The following COP1 variants were observed in gnomAD, a reference collection of about 807,000 sequenced individuals.
The protein encoded by COP1 is COP1 E3 ubiquitin ligase.
In COP1, 24 loss-of-function variants were observed where a neutral mutation model predicts 101.3. The observed-to-expected ratio is 0.24, with a 90% CI of 0.17 to 0.33. The LOEUF is 0.33. Ranked by LOEUF, COP1 falls within the 10% of genes least tolerant of loss-of-function variation. COP1 has a pLI of 1.00. For missense variants in COP1, 663 were observed against 906.2 expected, an observed-to-expected ratio of 0.73 and a Z score of 3.45; for synonymous variants, 347 against 341.9, an observed-to-expected ratio of 1.01 and a Z score of -0.17.
At chr1:175,949,188 A>AAAAAAAAAAAAAG (rs1325180505) in intron 18 of COP1, among the ~76,000 whole-genome samples, 1 of 147,848 alleles carries the variant, frequency 6.8e-6, no homozygotes, top group Non-Finnish European at 1.5e-5. Flanking sequence ...AAAAAAAAAA[A>AAAAAAAAAAAAAG]AAAATGAACA....
At chr1:175,959,152 T>C (rs1155229) in intron 18 of COP1, among the ~76,000 whole-genome samples, 103,050 of 151,620 alleles carry the variant, frequency 0.68, 36,559 homozygotes, top group East Asian at 0.92. Context: ...GTAAAGTTGG[T>C]TTAATATTAG....
chr1:175,965,558 C>T (rs1464362581), intron 18 of COP1, among the ~76,000 whole-genome samples: 1 of 146,500 alleles, frequency 6.8e-6, no homozygotes, highest in African/African-American at 2.5e-5. Flanking sequence ...ATTCATTTCA[C>T]TTATCTGGGT....
chr1:176,030,935 A>T (rs1432388944), intron 14 of COP1, among the ~76,000 whole-genome samples: 1 of 152,178 alleles, frequency 6.6e-6, no homozygotes, highest in Non-Finnish European at 1.5e-5. Flanking sequence ...CTTCATAAGG[A>T]GAGAGAGATT....
intron 15 of COP1, among the ~76,000 whole-genome samples, chr1:175,993,760 A>G (rs961574011): frequency 6.6e-6 from 1 of 152,222 alleles, no homozygotes; most frequent in African/African-American, 2.4e-5. Flanking sequence ...GACCAAATCT[A>G]CGTCTGATTG....
chr1:176,206,953 G>C lies in COP1; in HGVS notation c.26C>G (p.Ser9Trp), dbSNP rs868382148. ...CCCGGGGCTTGTCCCAGCGGAGCCC[G>C]ACCCGGCCTGGCGGCTACCAGACAT... MSGSRQAG[S>W]GSAGTSPGSS... The change falls in exon 1 of 20, where the codon TCG becomes TGG. Residue 9 changes from serine (S) to tryptophan (W), a missense_variant. Physicochemically the swap from Ser to Trp is radical, Grantham distance 177. Transcript: ENST00000367669. 553 of 1,440,566 alleles carry C rather than the reference G, an allele frequency of 3.8e-4. No homozygotes were observed. The highest frequency in any genetic ancestry group is 4.7e-4 in the Non-Finnish European group (514 of 1,100,956). The allele number at this position is 1,440,566 out of a possible 1,614,324, so 89.2% of individuals were successfully genotyped here. A position where few individuals can be genotyped will look rare whatever the true frequency, so the allele number is the denominator to read the frequency against.
rs747205483 is a variant in COP1 at position 176,081,303 on chromosome 1, A to T, written c.1142-16T>A. 3.2e-5 allele frequency: 51 copies of T among 1,572,874 alleles called. No homozygotes were observed. Among genetic ancestry groups the T allele is most frequent in the Non-Finnish European group, 3.1e-5 (36 of 1,166,314 alleles). On this transcript the variant is annotated splice_polypyrimidine_tract_variant and intron_variant, in intron 10 of 19. Transcript: ENST00000367669. ...CGACTGTCATCTATATGAAAAAAAA[A>T]AAAAAAAGACAAAACAGATGAATTG...
At chr1:176,112,067 T>C (rs1352806261) in intron 9 of COP1, among the ~76,000 whole-genome samples, 4 of 152,210 alleles carry the variant, frequency 2.6e-5, no homozygotes, top group African/African-American at 9.7e-5. Context: ...TAATCATCTA[T>C]AAATTATTCT....
Position 176,126,144 on chromosome 1 carries a change from T to C in COP1, c.968+8866A>G, listed in dbSNP as rs189654467. 2.6e-5 allele frequency among the ~76,000 whole-genome samples: 4 copies of C among 152,346 alleles called. No homozygotes were observed. The East Asian group carries it at 7.7e-4, about 29-fold the overall frequency. On this transcript the variant is annotated intron_variant, in intron 8 of 19. Transcript: ENST00000367669. Reference sequence around the variant, plus strand: ...TGGAGTCTATAGGTTTTTCCAAATATAAGATCACATCATCTGTAAACAGGG... The same window carrying C: ...TGGAGTCTATAGGTTTTTCCAAATACAAGATCACATCATCTGTAAACAGGG...
At chr1:176,069,159 T>C (rs1346502513) in intron 11 of COP1, among the ~76,000 whole-genome samples, 1 of 151,416 alleles carries the variant, frequency 6.6e-6, no homozygotes, top group Non-Finnish European at 1.5e-5. Flanking sequence ...CACTCCAGCC[T>C]GAGCAACAGG....
At chr1:175,985,450 T>C (rs529536479) in intron 18 of COP1, among the ~76,000 whole-genome samples, 43 of 152,368 alleles carry the variant, frequency 2.8e-4, no homozygotes, top group African/African-American at 9.9e-4. Flanking sequence ...ATTTCAGAGA[T>C]TGATATGAAG....
At chr1:176,136,411 C>A in intron 7 of COP1, 77 bp downstream of exon 7, 1 of 947,946 alleles carries the variant, frequency 1.1e-6, no homozygotes, top group African/African-American at 1.7e-5. Flanking sequence ...AAACTTAACA[C>A]AGCAACTTAA....
intron 15 of COP1, among the ~76,000 whole-genome samples, chr1:175,994,822 A>G (rs540132215): frequency 6.6e-6 from 1 of 152,316 alleles, no homozygotes; most frequent in South Asian, 2.1e-4. Flanking sequence ...CACTGTCAAC[A>G]TTAGACAGAT....
At chr1:175,989,642 G>T (rs1004916649) in intron 15 of COP1, among the ~76,000 whole-genome samples, 163 bp from the exon 16 acceptor site, 8 of 152,128 alleles carry the variant, frequency 5.3e-5, no homozygotes, top group African/African-American at 1.7e-4. Flanking sequence ...TATAAGATTG[G>T]CTCTAGAAAG....
chr1:175,963,033 G>T (rs534719555), intron 18 of COP1, among the ~76,000 whole-genome samples: 1 of 151,900 alleles, frequency 6.6e-6, no homozygotes, highest in South Asian at 2.1e-4. Flanking sequence ...TTACATGTGG[G>T]TGTTTTCTGT....
At chr1:175,949,524 T>C (rs928537974) in intron 18 of COP1, among the ~76,000 whole-genome samples, 3 of 152,140 alleles carry the variant, frequency 2.0e-5, no homozygotes, top group African/African-American at 7.2e-5. Flanking sequence ...TTTAAACAAG[T>C]TGTATGGTAT....
chr1:176,129,214 T>G (rs938618871), intron 8 of COP1, among the ~76,000 whole-genome samples: 5 of 151,768 alleles, frequency 3.3e-5, no homozygotes, highest in Non-Finnish European at 5.9e-5. Flanking sequence ...ATAAAATGAT[T>G]CCTTGTTTTT....
intron 11 of COP1, among the ~76,000 whole-genome samples, chr1:176,071,971 G>A (rs1476392646): frequency 6.6e-6 from 1 of 152,164 alleles, no homozygotes; most frequent in Non-Finnish European, 1.5e-5. Context: ...AAAATTTTAG[G>A]GTAGAAGTTA....
chr1:176,197,213 C>T (rs1184033968), intron 1 of COP1, among the ~76,000 whole-genome samples: 1 of 152,074 alleles, frequency 6.6e-6, no homozygotes, highest in Non-Finnish European at 1.5e-5. Context: ...CAACAAGTGG[C>T]CCAACCTAGG....
intron 18 of COP1, among the ~76,000 whole-genome samples, chr1:175,981,617 C>T (rs560237737): frequency 1.4e-4 from 22 of 152,102 alleles, no homozygotes; most frequent in African/African-American, 5.1e-4. Flanking sequence ...AATTTTTTGG[C>T]TAAAACTGCA....
Sources: allele counts gnomAD v4.1 joint callset (sites outside exome capture counted in the v4.1 genomes callset), GRCh38; gene constraint gnomAD v4.1.1; transcripts MANE v1.5; gene names NCBI Gene and HGNC (gene_info 2026-07-23, HGNC 2026-07-21).